WDR83: variants seen among roughly 807,000 people sequenced by gnomAD.
The protein encoded by WDR83 is WD repeat domain-containing protein 83.
A neutral mutation model predicts 37.7 loss-of-function variants in WDR83; 37 were observed. The ratio of observed to expected loss-of-function variants is 0.98; its 90% confidence interval spans 0.76 to 1.29. The LOEUF (loss-of-function observed/expected upper bound fraction) is 1.29, where lower values mean the gene tolerates loss of function less well. Among genes scored for constraint, WDR83 ranks in the 50% most tolerant of loss-of-function variants. The probability of loss-of-function intolerance (pLI) is 0.00; values close to 1 mark genes in which losing one functional copy is unlikely to be tolerated. For synonymous variants in WDR83, 174 were observed against 181.1 expected, an observed-to-expected ratio of 0.96 and a Z score of 0.31; for missense variants, 445 against 414.4, an observed-to-expected ratio of 1.07 and a Z score of -0.64.
Position 12,670,009 on chromosome 19 carries a change from G to A in WDR83, c.136G>A (p.Asp46Asn), listed in dbSNP as rs1447840213. The A allele has an allele frequency of 1.2e-6, 2 of 1,612,674 alleles. No homozygotes were observed. The highest frequency in any genetic ancestry group is 1.7e-6 in the Non-Finnish European group (2 of 1,178,842). ...DGNYCLTCGSDKTLKLWNPLR... is the reference protein window; with the variant it reads ...DGNYCLTCGSNKTLKLWNPLR... ...CAATTACTGCCTGACGTGCGGCAGT[G>A]ACAAGACGCTGAAGCTGTGGAACCC... Residue 46 changes from aspartate (D) to asparagine (N), a missense_variant, in exon 4 of 11, where the codon GAC becomes AAC. Asp to Asn is a conservative substitution (Grantham distance 23, BLOSUM62 1). Transcript: ENST00000418543.
chr19:12,674,740 G>A (rs2024520237), intron 10 of WDR83, among the ~76,000 whole-genome samples: 1 of 152,156 alleles, frequency 6.6e-6, no homozygotes, highest in Admixed American at 6.6e-5. Flanking sequence ...AAACATGGTA[G>A]TGGCAGAAAA....
chr19:12,668,075 G>A, intron 1 of WDR83: 1 of 380,760 alleles, frequency 2.6e-6, no homozygotes, highest in South Asian at 2.6e-5. Flanking sequence ...CTGACAGCCA[G>A]AGTGAAAAAC....
Position 12,671,776 on chromosome 19 carries a change from C to T in WDR83, c.506+955C>T, listed in dbSNP as rs140750221. 3.1e-3 allele frequency among the ~76,000 whole-genome samples: 475 copies of T among 152,286 alleles called. 5 individuals carry two copies. The highest frequency in any genetic ancestry group is 0.011 in the African/African-American group (447 of 41,566). ...GCAGTGACGTGATCTCGGCTCACTG[C>T]AACCTCTAACTTCTAGGTTCAGGCG... is the stretch of plus-strand genomic sequence containing the variant. On this transcript the variant is annotated intron_variant, in intron 7 of 10. Coordinates refer to ENST00000418543, the MANE Select transcript of WDR83 (RefSeq NM_001099737.3).
At position 12,673,085 on chromosome 19, in the gene WDR83, C is replaced by G; in HGVS notation, c.652C>G (p.Leu218Val). The G allele has an allele frequency of 6.2e-7, 1 of 1,613,536 alleles. No homozygotes were observed. The highest frequency in any genetic ancestry group is 8.5e-7 in the Non-Finnish European group (1 of 1,179,574). Residue 218 changes from leucine (L) to valine (V), a missense_variant, in exon 9 of 11, where the codon CTG becomes GTG. By Grantham distance (32) the Leu-to-Val change is conservative (BLOSUM62 1). Transcript: ENST00000418543. ...VSSLDSTLRL[L>V]DKDTGELLGE... Reference sequence around the variant, plus strand: ...CAGCCTGGACTCCACATTGCGGCTCCTGGACAAAGACACAGGGGAGCTGCT... The same window carrying G: ...CAGCCTGGACTCCACATTGCGGCTCGTGGACAAAGACACAGGGGAGCTGCT...
chr19:12,675,121 A>G (rs1256016058), intron 10 of WDR83, among the ~76,000 whole-genome samples: 1 of 150,284 alleles, frequency 6.7e-6, no homozygotes, highest in African/African-American at 2.5e-5. Flanking sequence ...TCAAAAAAAA[A>G]CAGAAAAAGA....
chr19:12,675,635 G>C lies in WDR83; in HGVS notation c.911G>C (p.Arg304Pro). The C allele has an allele frequency of 6.2e-7, 1 of 1,602,258 alleles. No homozygotes were observed. Among genetic ancestry groups the C allele is most frequent in the Non-Finnish European group, 8.5e-7 (1 of 1,179,764 alleles). ...TAMGGSVQCW[R>P]EEAYEAEDGA... Reference sequence around the variant, plus strand: ...ATGGGAGGCAGCGTCCAGTGCTGGCGAGAGGAGGCCTATGAGGCAGAGGAT... The same window carrying C: ...ATGGGAGGCAGCGTCCAGTGCTGGCCAGAGGAGGCCTATGAGGCAGAGGAT... The change falls in exon 11 of 11, where the codon CGA becomes CCA. Residue 304 changes from arginine (R) to proline (P), a missense_variant. By Grantham distance (103) the Arg-to-Pro change is moderately radical (BLOSUM62 -2). Transcript: ENST00000418543.
rs1357838275 is a variant in WDR83, at chr19:12,670,785, C to A, written c.470C>A (p.Ser157Tyr). The A allele has an allele frequency of 6.2e-7, 1 of 1,614,082 alleles. No individual in the cohort carries two copies. Among genetic ancestry groups the A allele is most frequent in the Non-Finnish European group, 8.5e-7 (1 of 1,180,002 alleles). Residue 157 changes from serine (S) to tyrosine (Y), a missense_variant, in exon 7 of 11, where the codon TCC (serine) becomes TAC (tyrosine). By Grantham distance (144) the Ser-to-Tyr change is moderately radical (BLOSUM62 -2). Transcript: ENST00000418543. ...QTLDEARDGV[S>Y]SVKVSDHEIL... ...CTGGATGAGGCCAGAGATGGCGTGT[C>A]CAGTGTGAAGGTGTCAGACCACGAG... is the stretch of plus-strand genomic sequence containing the variant.
chr19:12,674,354 T>C (rs1305959546), intron 10 of WDR83, among the ~76,000 whole-genome samples: 1 of 152,042 alleles, frequency 6.6e-6, no homozygotes, highest in Non-Finnish European at 1.5e-5. Context: ...CATCCTGGTG[T>C]AGTGGGGTCA....
Position 12,670,263 on chromosome 19 carries a change from G to C in WDR83, c.308G>C (p.Arg103Pro), listed in dbSNP as rs764469932. The C allele has an allele frequency of 6.2e-6, 10 of 1,613,942 alleles. No homozygotes were observed. The highest frequency in any genetic ancestry group is 8.5e-6 in the Non-Finnish European group (10 of 1,179,968). The change falls in exon 5 of 11, where the codon CGC (arginine) becomes CCC (proline). Residue 103 changes from arginine (R) to proline (P), a missense_variant. Transcript: ENST00000418543. The part of the protein sequence containing the change: ...LWDVASGQVV[R>P]KFRGHAGKVN... Reference sequence around the variant, plus strand: ...GATGTGGCATCAGGGCAGGTCGTGCGCAAATTCCGGGGCCACGCAGGGGTG... The same window carrying C: ...GATGTGGCATCAGGGCAGGTCGTGCCCAAATTCCGGGGCCACGCAGGGGTG...
chr19:12,668,374 C>T (rs1473110391), intron 1 of WDR83, 134 bp from the exon 2 acceptor site: 1 of 1,613,056 alleles, frequency 6.2e-7, no homozygotes, highest in Non-Finnish European at 8.5e-7. Context: ...ATGGGGGCGT[C>T]ATGGGCTGAG....
intron 10 of WDR83, among the ~76,000 whole-genome samples, chr19:12,674,307 T>C (rs1274394618): frequency 6.6e-6 from 1 of 152,184 alleles, no homozygotes; most frequent in Non-Finnish European, 1.5e-5. Flanking sequence ...GTCCTTGACA[T>C]GTCCCAGCCT....
At chr19:12,670,636 G>A in intron 6 of WDR83, 25 bp downstream of exon 6, 1 of 1,614,196 alleles carries the variant, frequency 6.2e-7, no homozygotes, top group African/African-American at 1.3e-5. Context: ...TAAGCACGGG[G>A]GCCCAGGGTG....
At position 12,670,688 on chromosome 19, in the gene WDR83, C is replaced by T; in HGVS notation, c.380-7C>T. On this transcript the variant is annotated splice_region_variant and splice_polypyrimidine_tract_variant and intron_variant, in intron 6 of 10. Transcript: ENST00000418543. ...AACCTGACCTCACCATCATGCTGGC[C>T]TCACAGGCTCTATTGATTCCAGTAT... is the stretch of plus-strand genomic sequence containing the variant. The T allele has an allele frequency of 1.2e-6, 2 of 1,614,186 alleles. No homozygotes were observed. Among genetic ancestry groups the T allele is most frequent in the Non-Finnish European group, 1.7e-6 (2 of 1,180,022 alleles).
intron 3 of WDR83, 29 bp from the exon 4 acceptor site, chr19:12,669,948 C>G (rs2024361341): frequency 6.2e-7 from 1 of 1,603,422 alleles, no homozygotes; most frequent in African/African-American, 1.3e-5. Flanking sequence ...AGATCGACGG[C>G]CCAGTAACCC....
At position 12,675,578 on chromosome 19, in the gene WDR83, A is replaced by ACCACC; in HGVS notation, c.856_860dup (p.Glu289GlnfsTer7). The ACCACC allele has an allele frequency of 1.2e-6, 2 of 1,605,980 alleles. No individual in the cohort carries two copies. Among genetic ancestry groups the ACCACC allele is most frequent in the Non-Finnish European group, 1.7e-6 (2 of 1,179,948 alleles). On this transcript the variant is annotated frameshift_variant, in exon 11 of 11. Transcript: ENST00000418543. LOFTEE classifies it high-confidence loss of function. Reference sequence around the variant, plus strand: ...TCCGGTGTGGTGCAGTCGCTGGCCTACCACCCAACAGAGCCCTGCCTGCTG... The same window carrying ACCACC: ...TCCGGTGTGGTGCAGTCGCTGGCCTACCACCCCACCCAACAGAGCCCTGCCTGCTG...
intron 7 of WDR83, 83 bp from the exon 8 acceptor site, chr19:12,672,764 C>G: frequency 7.2e-7 from 1 of 1,393,888 alleles, no homozygotes; most frequent in South Asian, 1.2e-5. Flanking sequence ...GAAGAGCAGG[C>G]CCACTGGGCT....
intron 7 of WDR83, 51 bp from the exon 8 acceptor site, chr19:12,672,796 G>A: frequency 6.5e-7 from 1 of 1,535,268 alleles, no homozygotes; most frequent in African/African-American, 1.4e-5. Context: ...GGGCTGCCTG[G>A]AGCCATGTGA....
intron 1 of WDR83, among the ~76,000 whole-genome samples, chr19:12,667,672 AATTAACTGG>A (rs1367351754): frequency 6.6e-6 from 1 of 152,130 alleles, no homozygotes; most frequent in Non-Finnish European, 1.5e-5. Flanking sequence ...AAAAAACAAG[AATTAACTGG>A]GCATGGTAGC....
chr19:12,666,815 G>T lies in WDR83; in HGVS notation c.-334G>T. The T allele has an allele frequency of 9.4e-7, 1 of 1,068,852 alleles. No individual in the cohort carries two copies. The highest frequency in any genetic ancestry group is 1.3e-6 in the Non-Finnish European group (1 of 758,142). 66.2% of individuals were successfully genotyped at this position (1,068,852 alleles called of 1,614,324 possible). A position where few individuals can be genotyped will look rare whatever the true frequency, so the allele number is the denominator to read the frequency against. On this transcript the variant is annotated 5_prime_UTR_variant, in exon 1 of 11. Coordinates refer to ENST00000418543, the MANE Select transcript of WDR83 (RefSeq NM_001099737.3). ...GGGGGCGGGGCCAGGGCGCGGTCTG[G>T]AGGCTCACGGGAGAGAGGCTGTAGC...
Sources: gnomAD v4.1 joint callset for allele counts (sites outside exome capture counted in the v4.1 genomes callset) on GRCh38, gnomAD v4.1.1 for gene constraint, MANE v1.5 for transcripts, NCBI Gene and HGNC (gene_info 2026-07-23, HGNC 2026-07-21) for gene names.